The following CD58 variants were observed in gnomAD, a reference collection of about 807,000 sequenced individuals.
CD58 encodes CD58 molecule.
Under a neutral mutation model 27.6 loss-of-function variants are expected in CD58, and 14 were observed. That is an observed-to-expected ratio of 0.51 (90% confidence interval 0.34 to 0.79). CD58 has a LOEUF of 0.79. CD58 is among the 30% of genes least tolerant of loss of function. The pLI, the probability that CD58 is intolerant of heterozygous loss-of-function variation, is 0.02. For synonymous variants in CD58, 117 were observed against 103.8 expected (o/e 1.13, Z -0.77); for missense variants, 268 against 301.7 (o/e 0.89, Z 0.83).
chr1:116,520,564 C>T (rs1657234574), intron 4 of CD58, among the ~76,000 whole-genome samples: 1 of 149,720 alleles, frequency 6.7e-6, no homozygotes, highest in Admixed American at 6.7e-5. Flanking sequence ...TATGGAAACT[C>T]AGTGCCACCT....
chr1:116,563,300 T>C lies in CD58; in HGVS notation c.70+7603A>G, dbSNP rs1357677613. On this transcript the variant is annotated intron_variant, in intron 1 of 5. Coordinates refer to ENST00000369489, the MANE Select transcript of CD58 (RefSeq NM_001779.3). This position sits in a 1 kb window ranked among gnomAD's most constrained non-coding sequence, Gnocchi z 4.1. Reference sequence around the variant, plus strand: ...TGCAGGGTACAGCCATCCTCCTGGCTGCTTTCATGAGCTGGCATTAAGTGT... The same window carrying C: ...TGCAGGGTACAGCCATCCTCCTGGCCGCTTTCATGAGCTGGCATTAAGTGT... Among the ~76,000 whole-genome samples, 1 of 152,032 alleles carries C rather than the reference T, an allele frequency of 6.6e-6. No homozygotes were observed. The highest frequency in any genetic ancestry group is 2.4e-5 in the African/African-American group (1 of 41,402).
chr1:116,566,222 G>A (rs1196904970), intron 1 of CD58, among the ~76,000 whole-genome samples: 9 of 152,184 alleles, frequency 5.9e-5, no homozygotes, highest in African/African-American at 9.7e-5. Flanking sequence ...GTTGGTAGTA[G>A]ATTGGTATAG....
intron 1 of CD58, among the ~76,000 whole-genome samples, chr1:116,565,960 G>A (rs562078781): frequency 1.1e-4 from 17 of 152,174 alleles, no homozygotes; most frequent in African/African-American, 2.6e-4. Flanking sequence ...CTTGTGATCC[G>A]CCCGCCTTGG....
In CD58 at chr1:116,532,921, G is replaced by A; in HGVS notation, c.628+3044C>T. ...AGTCGCGACAGCCGGTCTGCCAGGC[G>A]CCCACCTCCACTTCCTACTGCTGCT... On this transcript the variant is annotated intron_variant, in intron 3 of 5. Transcript: ENST00000369489. This position sits in a 1 kb window ranked among gnomAD's most constrained non-coding sequence, Gnocchi z 5.1. 2.8e-6 allele frequency: 3 copies of A among 1,058,058 alleles called. No individual in the cohort carries two copies. Among genetic ancestry groups the A allele is most frequent in the Non-Finnish European group, 4.2e-6 (3 of 718,640 alleles). The allele number at this position is 1,058,058 out of a possible 1,614,324, so 65.5% of individuals were successfully genotyped here.
At chr1:116,525,194 G>A (rs925959404) in intron 3 of CD58, among the ~76,000 whole-genome samples, 1 of 152,170 alleles carries the variant, frequency 6.6e-6, no homozygotes, top group Non-Finnish European at 1.5e-5. Flanking sequence ...ACTCCTCTGT[G>A]TTCCACCTAT....
At chr1:116,548,471 T>G (rs946906600) in intron 1 of CD58, among the ~76,000 whole-genome samples, 3 of 152,248 alleles carry the variant, frequency 2.0e-5, no homozygotes, top group African/African-American at 7.2e-5. Flanking sequence ...AGTTGATTTT[T>G]ATATAAGGTG....
chr1:116,544,539 G>C lies in CD58; in HGVS notation c.136C>G (p.Pro46Ala), dbSNP rs1222786227. 1.2e-6 allele frequency: 2 copies of C among 1,613,122 alleles called. No individual in the cohort carries two copies. The highest frequency in any genetic ancestry group is 1.7e-5 in the Admixed American group (1 of 59,968). ...VVYGNVTFHV[P>A]SNVPLKEVLW... ...ACCTCTTTTAAAGGCACATTGCTTGGTACATGGAAAGTTACATTCCCATAC... is the reference window on the plus strand; with the variant it reads ...ACCTCTTTTAAAGGCACATTGCTTGCTACATGGAAAGTTACATTCCCATAC... Residue 46 changes from proline to alanine, a missense_variant, in exon 2 of 6, where the codon CCA becomes GCA. By Grantham distance (27) the Pro-to-Ala change is conservative. Coordinates refer to ENST00000369489, the MANE Select transcript of CD58 (RefSeq NM_001779.3).
Position 116,522,213 on chromosome 1 carries a change from G to A in CD58, c.629-230C>T, listed in dbSNP as rs1240471003. 6.6e-6 allele frequency among the ~76,000 whole-genome samples: 1 copy of A among 152,166 alleles called. No individual in the cohort carries two copies. The highest frequency in any genetic ancestry group is 2.4e-5 in the African/African-American group (1 of 41,440). On this transcript the variant is annotated intron_variant, in intron 3 of 5. Coordinates refer to ENST00000369489, the MANE Select transcript of CD58 (RefSeq NM_001779.3). The surrounding 1 kb of genome is among the most constrained non-coding windows in gnomAD (Gnocchi z 4.6). ...GAAAAAGGTAAAGCTCTGCCTTCTT[G>A]TTTCAAGTTCTTACACTGTTAACAA...
Position 116,552,985 on chromosome 1 carries a change from C to T in CD58, c.71-8381G>A, listed in dbSNP as rs1363906675. Among the ~76,000 whole-genome samples the T allele has an allele frequency of 6.6e-6, 1 of 152,030 alleles. No homozygotes were observed. The highest frequency in any genetic ancestry group is 2.1e-4 in the South Asian group (1 of 4,830). On this transcript the variant is annotated intron_variant, in intron 1 of 5. Coordinates refer to ENST00000369489, the MANE Select transcript of CD58 (RefSeq NM_001779.3). This position sits in a 1 kb window ranked among gnomAD's most constrained non-coding sequence, Gnocchi z 4.5. ...AGTTGCCCTTTCCTTGGACTCCTGACAGCATTAGGTAATTTTTTTTTTATG... is the reference window on the plus strand; with the variant it reads ...AGTTGCCCTTTCCTTGGACTCCTGATAGCATTAGGTAATTTTTTTTTTATG...
At chr1:116,556,771 A>G (rs1305279062) in intron 1 of CD58, among the ~76,000 whole-genome samples, 1 of 152,192 alleles carries the variant, frequency 6.6e-6, no homozygotes, top group African/African-American at 2.4e-5. Flanking sequence ...AATTCCACCC[A>G]CAGAGGAGAT....
chr1:116,556,765 C>A (rs1658582516), intron 1 of CD58, among the ~76,000 whole-genome samples: 1 of 152,154 alleles, frequency 6.6e-6, no homozygotes, highest in East Asian at 1.9e-4. Flanking sequence ...ACCAGCAATT[C>A]CACCCACAGA....
In CD58 at chr1:116,531,878, G is replaced by A. The variant is rs1453415370; in HGVS notation, c.628+4087C>T. 6.6e-6 allele frequency among the ~76,000 whole-genome samples: 1 copy of A among 152,200 alleles called. No individual in the cohort carries two copies. Among genetic ancestry groups the A allele is most frequent in the Admixed American group, 6.5e-5 (1 of 15,278 alleles). ...ACTCTCTACAGGCCTGGTCAGCGCGGACAAGGCCATCCCCGGCTGCCACAG... is the reference window on the plus strand; with the variant it reads ...ACTCTCTACAGGCCTGGTCAGCGCGAACAAGGCCATCCCCGGCTGCCACAG... On this transcript the variant is annotated intron_variant, in intron 3 of 5. Coordinates refer to ENST00000369489, the MANE Select transcript of CD58 (RefSeq NM_001779.3). This position sits in a 1 kb window ranked among gnomAD's most constrained non-coding sequence, Gnocchi z 4.5.
chr1:116,559,827 C>T lies in CD58; in HGVS notation c.70+11076G>A, dbSNP rs769919123. Among the ~76,000 whole-genome samples, 6 of 152,174 alleles carry T rather than the reference C, an allele frequency of 3.9e-5. No homozygotes were observed. The highest frequency in any genetic ancestry group is 8.8e-5 in the Non-Finnish European group (6 of 68,028). ...TCTTGTTCTTGCACTTAACCTATTT[C>T]TTCTTTCTCAAGATGTTTCCCTTTA... On this transcript the variant is annotated intron_variant, in intron 1 of 5. Transcript: ENST00000369489. The surrounding 1 kb of genome is among the most constrained non-coding windows in gnomAD (Gnocchi z 4.4).
At chr1:116,558,980 C>G (rs766287067) in intron 1 of CD58, among the ~76,000 whole-genome samples, 18 of 152,180 alleles carry the variant, frequency 1.2e-4, no homozygotes, top group Non-Finnish European at 2.1e-4. Context: ...ACAAAACAGA[C>G]AAAATCCCAG....
At chr1:116,533,942 T>A in intron 3 of CD58, 2 of 1,422,412 alleles carry the variant, frequency 1.4e-6, no homozygotes, top group Non-Finnish European at 2.0e-6. Flanking sequence ...CTGGAAGGGG[T>A]GTGAGGGGCA....
In CD58 at chr1:116,544,588, A is replaced by G. The variant is rs373437584; in HGVS notation, c.87T>C (p.Phe29=). The change falls in exon 2 of 6, where the codon TTT becomes TTC. Residue 29 remains phenylalanine, a synonymous_variant. Transcript: ENST00000369489. ...ACACAACACCATATATTTGTTGGGA[A>G]AAACAGCTGATGAAACCTAGGAGAG... ...LLHCFGFISC[F]SQQIYGVVYG... is the part of the protein sequence containing the mutation. The G allele has an allele frequency of 7.0e-6, 11 of 1,582,678 alleles. No individual in the cohort carries two copies. The African/African-American group carries it at 1.2e-4, about 18-fold the overall frequency.
In CD58 at chr1:116,522,587, G is replaced by C. The variant is rs1389732467; in HGVS notation, c.629-604C>G. ...GAACCTACCCCTGTATTTCCCCCAG[G>C]AACATTACTTCACTACTTGCTATTT... On this transcript the variant is annotated intron_variant, in intron 3 of 5. Coordinates refer to ENST00000369489, the MANE Select transcript of CD58 (RefSeq NM_001779.3). This position sits in a 1 kb window ranked among gnomAD's most constrained non-coding sequence, Gnocchi z 4.6. Among the ~76,000 whole-genome samples the C allele has an allele frequency of 6.6e-6, 1 of 152,100 alleles. No individual in the cohort carries two copies. The highest frequency in any genetic ancestry group is 2.4e-5 in the African/African-American group (1 of 41,410).
chr1:116,548,796 A>T (rs1658283559), intron 1 of CD58, among the ~76,000 whole-genome samples: 1 of 152,238 alleles, frequency 6.6e-6, no homozygotes, highest in Non-Finnish European at 1.5e-5. Flanking sequence ...TTCACTGGTG[A>T]AGTGACAAGA....
Position 116,523,041 on chromosome 1 carries a change from TATTGAGTAG to T in CD58, c.629-1067_629-1059del. On this transcript the variant is annotated intron_variant, in intron 3 of 5. Transcript: ENST00000369489. The surrounding 1 kb of genome is among the most constrained non-coding windows in gnomAD (Gnocchi z 4.4). ...CAGCTGTTATATACTGTCATTAACCTATTGAGTAGATGTTATTGGTATCTCTATTAATAT... is the reference window on the plus strand; with the variant it reads ...CAGCTGTTATATACTGTCATTAACCTATGTTATTGGTATCTCTATTAATAT... 6.6e-6 allele frequency among the ~76,000 whole-genome samples: 1 copy of T among 152,316 alleles called. No homozygotes were observed.
Sources: gnomAD v4.1 joint callset for allele counts (sites outside exome capture counted in the v4.1 genomes callset) on GRCh38, gnomAD v4.1.1 for gene constraint, Gnocchi (gnomAD v3.1) non-coding constraint, MANE v1.5 for transcripts, NCBI Gene and HGNC (gene_info 2026-07-23, HGNC 2026-07-21) for gene names.